ST8SIA6: variants seen among roughly 807,000 people sequenced by gnomAD.
ST8SIA6 encodes the protein alpha-2,8-sialyltransferase 8F.
A neutral mutation model predicts 33.6 loss-of-function variants in ST8SIA6; 39 were observed. That is an observed-to-expected ratio of 1.16 (90% CI 0.90 to 1.52). The LOEUF is 1.52. Ranked by LOEUF, ST8SIA6 falls within the 40% of genes most tolerant of loss-of-function variation. ST8SIA6 has a pLI of 0.00. For missense variants in ST8SIA6, 441 were observed against 443.8 expected, an observed-to-expected ratio of 0.99 and a Z score of 0.06; for synonymous variants, 172 against 167.2, an observed-to-expected ratio of 1.03 and a Z score of -0.22.
intron 2 of ST8SIA6, among the ~76,000 whole-genome samples, chr10:17,401,448 A>T (rs2131679138): frequency 6.6e-6 from 1 of 152,326 alleles, no homozygotes; most frequent in African/African-American, 2.4e-5. Context: ...TTCATATGGA[A>T]CCAAAAACGA....
chr10:17,363,982 G>C (rs1246229226), intron 3 of ST8SIA6, among the ~76,000 whole-genome samples: 2 of 152,160 alleles, frequency 1.3e-5, no homozygotes, highest in Non-Finnish European at 2.9e-5. Context: ...GAGGTTCTGG[G>C]TTATACAAAA....
At chr10:17,347,505 A>G (rs77953361) in intron 4 of ST8SIA6, among the ~76,000 whole-genome samples, 4 of 149,422 alleles carry the variant, frequency 2.7e-5, no homozygotes, top group African/African-American at 9.8e-5. Context: ...ACTTGTAAAG[A>G]AAAAAAAAAC....
At chr10:17,394,330 C>G (rs1389289972) in intron 2 of ST8SIA6, among the ~76,000 whole-genome samples, 1 of 149,392 alleles carries the variant, frequency 6.7e-6, no homozygotes, top group African/African-American at 2.5e-5. Flanking sequence ...CTGACTTTAG[C>G]TCTTGAGCTT....
At chr10:17,361,712 G>GA (rs34189796) in intron 3 of ST8SIA6, among the ~76,000 whole-genome samples, 20,873 of 123,382 alleles carry the variant, frequency 0.17, 1,587 homozygotes, top group East Asian at 0.27. Flanking sequence ...AAGACATTGG[G>GA]AAAAAAAAAA....
intron 4 of ST8SIA6, 92 bp downstream of exon 4, chr10:17,359,422 A>G (rs1849309270): frequency 4.9e-6 from 5 of 1,020,774 alleles, no homozygotes; most frequent in Non-Finnish European, 7.2e-6. Context: ...GGTTGGTTCT[A>G]CTTCTCTTTT....
chr10:17,373,511 C>G (rs1849799124), intron 3 of ST8SIA6, among the ~76,000 whole-genome samples: 1 of 152,166 alleles, frequency 6.6e-6, no homozygotes, highest in South Asian at 2.1e-4. Context: ...ATGGTCCACG[C>G]TGGAGACTCT....
chr10:17,407,741 A>G (rs1016546228), intron 2 of ST8SIA6, among the ~76,000 whole-genome samples: 3 of 152,200 alleles, frequency 2.0e-5, no homozygotes, highest in Admixed American at 6.5e-5. Context: ...CACTGGACTA[A>G]GGGTCTCACT....
At chr10:17,411,802 A>G (rs1206112055) in intron 2 of ST8SIA6, among the ~76,000 whole-genome samples, 2 of 152,096 alleles carry the variant, frequency 1.3e-5, no homozygotes, top group Non-Finnish European at 2.9e-5. Flanking sequence ...TTTCCTATTC[A>G]TCTGAAAAAC....
chr10:17,334,689 G>T (rs1056425735), intron 4 of ST8SIA6, among the ~76,000 whole-genome samples: 2 of 151,974 alleles, frequency 1.3e-5, no homozygotes, highest in African/African-American at 4.8e-5. Flanking sequence ...TTTAAGTGGG[G>T]TGAATTTAAA....
chr10:17,435,005 A>G (rs1052062913), intron 2 of ST8SIA6, among the ~76,000 whole-genome samples: 1 of 152,146 alleles, frequency 6.6e-6, no homozygotes, highest in Non-Finnish European at 1.5e-5. Context: ...AAAGCTCTCC[A>G]GGTTATTTTC....
At chr10:17,437,950 C>T (rs190874318) in intron 2 of ST8SIA6, among the ~76,000 whole-genome samples, 16 of 151,926 alleles carry the variant, frequency 1.1e-4, no homozygotes, top group African/African-American at 3.9e-4. Flanking sequence ...AGGCCGATCT[C>T]GAACTCCTGA....
chr10:17,323,210 T>C (rs1848013552), intron 6 of ST8SIA6, 53 bp from the exon 7 acceptor site: 9 of 1,379,708 alleles, frequency 6.5e-6, no homozygotes, highest in Non-Finnish European at 7.2e-6. Context: ...GAAAAAAGAT[T>C]GTATACACAC....
At chr10:17,406,879 C>A (rs1401157346) in intron 2 of ST8SIA6, among the ~76,000 whole-genome samples, 1 of 150,940 alleles carries the variant, frequency 6.6e-6, no homozygotes, top group Non-Finnish European at 1.5e-5. Flanking sequence ...ACCAAAACCT[C>A]CGCCTCCCGT....
chr10:17,389,242 C>G (rs556782512), intron 3 of ST8SIA6, among the ~76,000 whole-genome samples: 2 of 152,276 alleles, frequency 1.3e-5, no homozygotes, highest in East Asian at 3.9e-4. Context: ...AATAAAACTC[C>G]GGTCTCCCAC....
chr10:17,379,591 A>C (rs1850057014), intron 3 of ST8SIA6, among the ~76,000 whole-genome samples: 1 of 152,158 alleles, frequency 6.6e-6, no homozygotes, highest in Non-Finnish European at 1.5e-5. Context: ...AGAAACTCAA[A>C]AGAATGCAAC....
At chr10:17,382,354 C>G (rs1192952308) in intron 3 of ST8SIA6, among the ~76,000 whole-genome samples, 1 of 152,104 alleles carries the variant, frequency 6.6e-6, no homozygotes, top group African/African-American at 2.4e-5. Flanking sequence ...CAACTTCCTC[C>G]TCCCAGGTTC....
chr10:17,362,648 A>C (rs1849428092), intron 3 of ST8SIA6, among the ~76,000 whole-genome samples: 1 of 152,088 alleles, frequency 6.6e-6, no homozygotes, highest in African/African-American at 2.4e-5. Flanking sequence ...TTGAGGACTG[A>C]CCTTTTCTAG....
At chr10:17,371,525 C>T (rs1410407481) in intron 3 of ST8SIA6, among the ~76,000 whole-genome samples, 2 of 152,112 alleles carry the variant, frequency 1.3e-5, no homozygotes, top group South Asian at 2.1e-4. Context: ...TGGCTCATTC[C>T]TGTAATCTCA....
chr10:17,391,914 T>A (rs953325477), intron 2 of ST8SIA6, among the ~76,000 whole-genome samples: 2 of 152,156 alleles, frequency 1.3e-5, no homozygotes, highest in African/African-American at 2.4e-5. Context: ...AAGGAAACAA[T>A]GTAAACCACT....
Sources: gnomAD v4.1 joint callset for allele counts (sites outside exome capture counted in the v4.1 genomes callset) on GRCh38, gnomAD v4.1.1 for gene constraint, MANE v1.5 for transcripts, NCBI Gene and HGNC (gene_info 2026-07-23, HGNC 2026-07-21) for gene names.